MMP26: variants seen among roughly 807,000 people sequenced by gnomAD.
MMP26 encodes the protein matrix metallopeptidase 26.
Under a neutral mutation model 31.0 loss-of-function variants are expected in MMP26, and 33 were observed. The ratio of observed to expected loss-of-function variants is 1.06; its 90% CI spans 0.81 to 1.42. The LOEUF (loss-of-function observed/expected upper bound fraction) is 1.42. Ranked by LOEUF, MMP26 falls within the 40% of genes most tolerant of loss-of-function variation. The pLI, the probability that MMP26 is intolerant of heterozygous loss-of-function variation, is 0.00. For synonymous variants in MMP26, 122 were observed against 114.9 expected (o/e 1.06, Z -0.40); for missense variants, 347 against 316.1 (o/e 1.10, Z -0.74).
chr11:4,746,878 A>C (rs914470342), intron 1 of MMP26, among the ~76,000 whole-genome samples: 337 of 127,254 alleles, frequency 2.6e-3, no homozygotes, highest in African/African-American at 8.5e-3. Context: ...CACACACACA[A>C]AGGCTATACA....
intron 2 of MMP26, among the ~76,000 whole-genome samples, chr11:4,776,746 C>T (rs1848795506): frequency 6.6e-6 from 1 of 152,082 alleles, no homozygotes; most frequent in Admixed American, 6.6e-5. Flanking sequence ...TTCTCTCCTG[C>T]TCCACCGTGG....
intron 2 of MMP26, among the ~76,000 whole-genome samples, chr11:4,798,269 C>T (rs1013480700): frequency 6.6e-6 from 1 of 152,180 alleles, no homozygotes; most frequent in African/African-American, 2.4e-5. Context: ...TTCCTTCCAC[C>T]TCTGGCCTCA....
At chr11:4,792,412 G>GGA (rs1849040825) in intron 2 of MMP26, among the ~76,000 whole-genome samples, 1 of 152,088 alleles carries the variant, frequency 6.6e-6, no homozygotes, top group African/African-American at 2.4e-5. Flanking sequence ...ACATATTTAG[G>GGA]GAGAGAGATT....
intron 1 of MMP26, among the ~76,000 whole-genome samples, chr11:4,707,036 A>G (rs900974458): frequency 1.3e-5 from 2 of 152,226 alleles, no homozygotes; most frequent in South Asian, 4.1e-4. Flanking sequence ...TCTGCAATGA[A>G]TATGGAAGTG....
chr11:4,804,963 G>A (rs1017081237), intron 2 of MMP26, among the ~76,000 whole-genome samples: 56 of 120,046 alleles, frequency 4.7e-4, no homozygotes, highest in African/African-American at 1.7e-3. Flanking sequence ...GAGCGAAACC[G>A]CCTCAAAAAA....
rs149967692 is a variant in MMP26, at chr11:4,980,448, T to G, written c.-144-7620T>G. 2.8e-4 allele frequency among the ~76,000 whole-genome samples: 43 copies of G among 152,206 alleles called. No individual in the cohort carries two copies. In the East Asian group the frequency reaches 3.3e-3, roughly 12 times the overall value. On this transcript the variant is annotated intron_variant, in intron 2 of 7. Transcript: ENST00000380390. ...AAGGTCTTTTATACAATGTATATATTGAACACTTGACTGCAAGCAAAGAAC... is the reference window on the plus strand; with the variant it reads ...AAGGTCTTTTATACAATGTATATATGGAACACTTGACTGCAAGCAAAGAAC...
intron 2 of MMP26, among the ~76,000 whole-genome samples, chr11:4,814,796 A>G (rs991754645): frequency 1.3e-5 from 2 of 152,310 alleles, no homozygotes; most frequent in East Asian, 1.9e-4. Flanking sequence ...CATTAATAAA[A>G]ATGTTTAGAG....
intron 2 of MMP26, among the ~76,000 whole-genome samples, chr11:4,779,235 G>A (rs1160668734): frequency 6.6e-6 from 1 of 151,966 alleles, no homozygotes; most frequent in African/African-American, 2.4e-5. Context: ...GATTTTTGAA[G>A]AGAAATTTTC....
At chr11:4,804,380 T>C (rs1310992553) in intron 2 of MMP26, 3 of 1,611,484 alleles carry the variant, frequency 1.9e-6, no homozygotes, top group Non-Finnish European at 1.7e-6. Flanking sequence ...GCCAGCACCA[T>C]GGACTGGTTA....
intron 2 of MMP26, among the ~76,000 whole-genome samples, chr11:4,785,267 T>TA (rs1374669398): frequency 2.0e-5 from 3 of 152,196 alleles, no homozygotes; most frequent in Non-Finnish European, 2.9e-5. Flanking sequence ...GTTAACAAAT[T>TA]AAAAAATGTA....
chr11:4,800,875 T>C (rs551396040), intron 2 of MMP26, among the ~76,000 whole-genome samples: 18,925 of 152,090 alleles, frequency 0.12, 2,317 homozygotes, highest in African/African-American at 0.31. Context: ...GTTCAAACTT[T>C]CATAGGTCCC....
chr11:4,857,473 A>T (rs1049844377), intron 2 of MMP26, among the ~76,000 whole-genome samples: 2 of 152,200 alleles, frequency 1.3e-5, no homozygotes, highest in Non-Finnish European at 2.9e-5. Flanking sequence ...TAGAAAATCT[A>T]GAAGAAATGG....
At chr11:4,896,916 C>A (rs191802916) in intron 2 of MMP26, among the ~76,000 whole-genome samples, 1 of 152,206 alleles carries the variant, frequency 6.6e-6, no homozygotes, top group African/African-American at 2.4e-5. Flanking sequence ...ATGGCTATTT[C>A]TTCTTGATGA....
intron 1 of MMP26, among the ~76,000 whole-genome samples, chr11:4,766,159 A>G (rs1848626085): frequency 6.6e-6 from 1 of 152,136 alleles, no homozygotes; most frequent in Non-Finnish European, 1.5e-5. Context: ...AATTTTTGCT[A>G]TTCTTCGGGT....
At chr11:4,718,322 T>G in intron 1 of MMP26, among the ~76,000 whole-genome samples, 1 of 152,328 alleles carries the variant, frequency 6.6e-6, no homozygotes, top group Middle Eastern at 3.4e-3. Flanking sequence ...CCACTTGAAG[T>G]CACTTATCAG....
chr11:4,984,095 A>G (rs1322362704), intron 2 of MMP26, among the ~76,000 whole-genome samples: 1 of 152,120 alleles, frequency 6.6e-6, no homozygotes, highest in Non-Finnish European at 1.5e-5. Context: ...TGCCGGCCCT[A>G]TCGGATTGCA....
At chr11:4,714,153 C>T (rs746042453) in intron 1 of MMP26, among the ~76,000 whole-genome samples, 4 of 152,136 alleles carry the variant, frequency 2.6e-5, no homozygotes, top group Admixed American at 1.3e-4. Context: ...GCTGCATTTA[C>T]GAAAAACATT....
At chr11:4,934,793 T>C (rs1376926595) in intron 2 of MMP26, among the ~76,000 whole-genome samples, 3 of 150,356 alleles carry the variant, frequency 2.0e-5, no homozygotes, top group Non-Finnish European at 4.5e-5. Context: ...TTTCTACATA[T>C]GGCTAGCCAG....
intron 2 of MMP26, among the ~76,000 whole-genome samples, chr11:4,826,847 C>A (rs1308726587): frequency 6.6e-6 from 1 of 152,128 alleles, no homozygotes; most frequent in African/African-American, 2.4e-5. Context: ...AGGGCCACCT[C>A]TGAAGCCTTA....
Sources: gnomAD v4.1 joint callset for allele counts (sites outside exome capture counted in the v4.1 genomes callset) on GRCh38, gnomAD v4.1.1 for gene constraint, MANE v1.5 for transcripts, NCBI Gene and HGNC (gene_info 2026-07-23, HGNC 2026-07-21) for gene names.